CNTNAP5: variants seen among roughly 807,000 people sequenced by gnomAD.
The protein encoded by CNTNAP5 is contactin-associated protein-like 5.
In CNTNAP5, 72 loss-of-function variants were observed where a neutral mutation model predicts 150.2. The observed-to-expected ratio is 0.48, with a 90% CI of 0.40 to 0.58. The LOEUF is 0.58. CNTNAP5 is among the 20% of genes least tolerant of loss of function. CNTNAP5 has a pLI of 0.00. For synonymous variants in CNTNAP5, 672 were observed against 619.8 expected (o/e 1.08, Z -1.25); for missense variants, 1,636 against 1,626.2 (o/e 1.01, Z -0.10).
intron 3 of CNTNAP5, among the ~76,000 whole-genome samples, chr2:124,256,292 T>C (rs11679836): frequency 0.19 from 28,348 of 152,094 alleles, 2,788 homozygotes; most frequent in Non-Finnish European, 0.22. Flanking sequence ...ACTAAGGATA[T>C]GCCGTACCTT....
chr2:124,406,542 A>G (rs1014909829), intron 3 of CNTNAP5, among the ~76,000 whole-genome samples: 2 of 152,184 alleles, frequency 1.3e-5, no homozygotes, highest in South Asian at 2.1e-4. Flanking sequence ...ATATTTAACC[A>G]TGCAGTTTTC....
At chr2:124,112,463 T>C (rs1439134) in intron 1 of CNTNAP5, among the ~76,000 whole-genome samples, 45,249 of 152,116 alleles carry the variant, frequency 0.3, 7,319 homozygotes, top group Admixed American at 0.38. Context: ...TGTTAGTTTC[T>C]GTTCTGTTTC....
chr2:124,237,257 G>T (rs1686774699), intron 2 of CNTNAP5, among the ~76,000 whole-genome samples: 1 of 152,226 alleles, frequency 6.6e-6, no homozygotes, highest in Non-Finnish European at 1.5e-5. Flanking sequence ...AGACGGTTGT[G>T]AAATATCGTT....
At chr2:124,809,493 A>G (rs1682158681) in intron 19 of CNTNAP5, among the ~76,000 whole-genome samples, 1 of 151,772 alleles carries the variant, frequency 6.6e-6, no homozygotes, top group South Asian at 2.1e-4. Flanking sequence ...TGCAGCCTCA[A>G]ACTCCTGGAC....
At chr2:124,150,616 G>A (rs1361823222) in intron 1 of CNTNAP5, among the ~76,000 whole-genome samples, 2 of 152,114 alleles carry the variant, frequency 1.3e-5, no homozygotes, top group Non-Finnish European at 2.9e-5. Flanking sequence ...GCAGATGACT[G>A]TCTTCTCCTT....
chr2:124,125,542 T>G (rs921170226), intron 1 of CNTNAP5, among the ~76,000 whole-genome samples: 1 of 152,104 alleles, frequency 6.6e-6, no homozygotes, highest in African/African-American at 2.4e-5. Context: ...GGAATTGAAC[T>G]CAGATCTGCA....
At chr2:124,266,379 A>C (rs1484602377) in intron 3 of CNTNAP5, among the ~76,000 whole-genome samples, 3 of 152,162 alleles carry the variant, frequency 2.0e-5, no homozygotes, top group African/African-American at 7.2e-5. Flanking sequence ...GCATTTATGA[A>C]TATAGTATCA....
chr2:124,451,043 A>ATATATAT (rs1452242767), intron 6 of CNTNAP5, among the ~76,000 whole-genome samples: 3 of 74,844 alleles, frequency 4.0e-5, no homozygotes, highest in African/African-American at 1.6e-4. Context: ...AAAAAAAAAA[A>ATATATAT]AAAAAAAAAT....
chr2:124,902,063 G>GA (rs1678424607), intron 21 of CNTNAP5, among the ~76,000 whole-genome samples: 1 of 151,912 alleles, frequency 6.6e-6, no homozygotes, highest in South Asian at 2.1e-4. Flanking sequence ...TACACCTTAG[G>GA]AAAAAAGATG....
intron 1 of CNTNAP5, among the ~76,000 whole-genome samples, chr2:124,188,576 G>A (rs1456267486): frequency 2.0e-5 from 3 of 151,700 alleles, no homozygotes; most frequent in Admixed American, 1.3e-4. Flanking sequence ...AAAATTAGCC[G>A]GGCGTGGTGG....
rs562644767 is a variant in CNTNAP5 at position 124,109,888 on chromosome 2, T to C, written c.82+84156T>C. On this transcript the variant is annotated intron_variant, in intron 1 of 23. Coordinates refer to ENST00000682447, the MANE Select transcript of CNTNAP5 (RefSeq NM_001367498.1). ...AAAGGATCTGCATTTTTATCTTACA[T>C]TGAGCTCCTCAAATAAAGTGGTTAG... is the stretch of plus-strand genomic sequence containing the variant. Among the ~76,000 whole-genome samples the C allele has an allele frequency of 1.6e-4, 25 of 152,328 alleles. 1 individual carries two copies. Among genetic ancestry groups the C allele is most frequent in the Admixed American group, 1.2e-3 (19 of 15,296 alleles).
Position 124,527,430 on chromosome 2 carries a change from C to A in CNTNAP5, c.1623C>A (p.His541Gln). The change falls in exon 10 of 24, where the codon CAC (histidine) becomes CAA (glutamine). Residue 541 changes from histidine to glutamine, a missense_variant. His to Gln is a conservative substitution (Grantham distance 24, BLOSUM62 0). Coordinates refer to ENST00000682447, the MANE Select transcript of CNTNAP5 (RefSeq NM_001367498.1). Reference protein sequence around the residue: ...QGSLGNFSDLHIDLCSIKDRC... With the variant: ...QGSLGNFSDLQIDLCSIKDRC... ...CCCTGGGGAATTTTAGTGATTTACA[C>A]ATTGATCTGTGTAGCATCAAAGACA... is the stretch of plus-strand genomic sequence containing the variant. 6.2e-7 allele frequency: 1 copy of A among 1,613,608 alleles called. No individual in the cohort carries two copies. Among genetic ancestry groups the A allele is most frequent in the Non-Finnish European group, 8.5e-7 (1 of 1,179,630 alleles).
rs71412792 is a variant in CNTNAP5, at chr2:124,702,346, C to CTTTTTTTTTTTTTTTTTTTTTTTTT, written c.2078-44857_2078-44833dup. ...ATGTCCTTCTGTGAAACTATGAACA[C>CTTTTTTTTTTTTTTTTTTTTTTTTT]TTTTTTTTTTTTTTTTTTTTTTTTT... On this transcript the variant is annotated intron_variant, in intron 13 of 23. Coordinates refer to ENST00000682447, the MANE Select transcript of CNTNAP5 (RefSeq NM_001367498.1). Among the ~76,000 whole-genome samples, 4 of 52,250 alleles carry CTTTTTTTTTTTTTTTTTTTTTTTTT rather than the reference C, an allele frequency of 7.7e-5. 2 individuals carry two copies. Among genetic ancestry groups the CTTTTTTTTTTTTTTTTTTTTTTTTT allele is most frequent in the Non-Finnish European group, 1.3e-4 (4 of 30,002 alleles). 34.3% of individuals were successfully genotyped at this position (52,250 alleles called of 152,430 possible).
At chr2:124,156,032 G>A (rs1684520066) in intron 1 of CNTNAP5, among the ~76,000 whole-genome samples, 1 of 152,306 alleles carries the variant, frequency 6.6e-6, no homozygotes, top group South Asian at 2.1e-4. Flanking sequence ...CTTGCAAAGT[G>A]CATCTAAAAA....
At chr2:124,522,095 G>A (rs1266700474) in intron 8 of CNTNAP5, among the ~76,000 whole-genome samples, 2 of 152,182 alleles carry the variant, frequency 1.3e-5, no homozygotes, top group African/African-American at 4.8e-5. Flanking sequence ...CAGCTGCCCA[G>A]GTGCAAATAC....
chr2:124,202,073 A>G (rs1421768501), intron 1 of CNTNAP5, among the ~76,000 whole-genome samples: 2 of 152,192 alleles, frequency 1.3e-5, no homozygotes, highest in Non-Finnish European at 2.9e-5. Flanking sequence ...TACAATGTAA[A>G]TCAGTCTGAT....
chr2:124,568,393 C>G (rs768120217), intron 11 of CNTNAP5, among the ~76,000 whole-genome samples: 4 of 152,140 alleles, frequency 2.6e-5, no homozygotes, highest in Admixed American at 6.5e-5. Context: ...GTGCTGTATT[C>G]TGGGACAATG....
chr2:124,744,616 G>C (rs1680567012), intron 13 of CNTNAP5, among the ~76,000 whole-genome samples: 1 of 152,042 alleles, frequency 6.6e-6, no homozygotes, highest in Non-Finnish European at 1.5e-5. Context: ...TGAATCCTTA[G>C]TAAATATTTG....
chr2:124,680,006 A>AT (rs1296865470), intron 13 of CNTNAP5, among the ~76,000 whole-genome samples: 3 of 151,614 alleles, frequency 2.0e-5, no homozygotes, highest in Non-Finnish European at 4.4e-5. Flanking sequence ...ATTTCCATCG[A>AT]TTTTTTATCC....
Sources: allele counts gnomAD v4.1 joint callset (sites outside exome capture counted in the v4.1 genomes callset), GRCh38; gene constraint gnomAD v4.1.1; transcripts MANE v1.5; gene names NCBI Gene and HGNC (gene_info 2026-07-23, HGNC 2026-07-21).